ITPR2: variants seen among roughly 807,000 people sequenced by gnomAD.
The protein encoded by ITPR2 is inositol 1,4,5-trisphosphate-gated calcium channel ITPR2.
A neutral mutation model predicts 317.1 loss-of-function variants in ITPR2; 207 were observed. The observed-to-expected ratio is 0.65, with a 90% CI of 0.58 to 0.73. The LOEUF is 0.73. Among genes scored for constraint, ITPR2 ranks in the 30% least tolerant of loss-of-function variants. ITPR2 has a pLI of 0.00. For missense variants in ITPR2, 2,613 were observed against 3,284.0 expected, an observed-to-expected ratio of 0.80 and a Z score of 4.99; for synonymous variants, 1,156 against 1,149.1, an observed-to-expected ratio of 1.01 and a Z score of -0.12.
In ITPR2 at chr12:26,380,366, G is replaced by C. The variant is rs531196100; in HGVS notation, c.7857+7068C>G. On this transcript the variant is annotated intron_variant, in intron 55 of 56. Transcript: ENST00000381340. ...AATAACATAGGGGACAGATCCCATAGTGACAATAAAAATCCAGAGAGGGGC... is the reference window on the plus strand; with the variant it reads ...AATAACATAGGGGACAGATCCCATACTGACAATAAAAATCCAGAGAGGGGC... Among the ~76,000 whole-genome samples the C allele has an allele frequency of 1.2e-4, 19 of 152,302 alleles. No homozygotes were observed. In the South Asian group the frequency reaches 3.9e-3, roughly 32 times the overall value.
chr12:26,707,419 G>A (rs934838251), intron 9 of ITPR2, among the ~76,000 whole-genome samples: 2 of 152,128 alleles, frequency 1.3e-5, no homozygotes, highest in Non-Finnish European at 2.9e-5. Flanking sequence ...AAGAATAAGG[G>A]TACAGGGTAA....
intron 45 of ITPR2, among the ~76,000 whole-genome samples, chr12:26,458,850 C>T (rs1405532497): frequency 6.6e-6 from 1 of 152,178 alleles, no homozygotes; most frequent in Non-Finnish European, 1.5e-5. Flanking sequence ...TGTGCCTCTC[C>T]TTCTTGCTTG....
At chr12:26,443,685 C>T (rs2220406) in intron 45 of ITPR2, 35 bp from the exon 46 acceptor site, 1,343,062 of 1,562,786 alleles carry the variant, frequency 0.86, 579,026 homozygotes, top group South Asian at 0.88. Context: ...TTTAGGTCTT[C>T]TTTTCCCCTT....
intron 55 of ITPR2, among the ~76,000 whole-genome samples, chr12:26,383,682 G>C (rs1158053021): frequency 7.0e-6 from 1 of 141,864 alleles, no homozygotes; most frequent in African/African-American, 2.7e-5. Context: ...ATTTTTAATA[G>C]AGATGGGGTT....
rs188994664 is a variant in ITPR2 at position 26,648,300 on chromosome 12, T to G, written c.2740+5676A>C. Among the ~76,000 whole-genome samples, 30 of 152,322 alleles carry G rather than the reference T, an allele frequency of 2.0e-4. No individual in the cohort carries two copies. The East Asian group carries it at 5.2e-3, about 26-fold the overall frequency. ...CTTTTCCTTCTAGATATGCCTCCTC[T>G]TCTGCTCTCCTGCGTCTGACCTGCC... On this transcript the variant is annotated intron_variant, in intron 21 of 56. Transcript: ENST00000381340.
At chr12:26,374,733 G>A (rs893237817) in intron 55 of ITPR2, among the ~76,000 whole-genome samples, 3 of 152,086 alleles carry the variant, frequency 2.0e-5, no homozygotes, top group South Asian at 2.1e-4. Context: ...AGAGAGCTGC[G>A]GTAACTTACC....
At chr12:26,597,662 T>C (rs1367870840) in intron 30 of ITPR2, among the ~76,000 whole-genome samples, 1 of 152,084 alleles carries the variant, frequency 6.6e-6, no homozygotes, top group East Asian at 1.9e-4. Context: ...GAGAAATAAG[T>C]AGAAAACTAA....
intron 50 of ITPR2, 85 bp downstream of exon 50, chr12:26,418,961 TAAA>T: frequency 1.0e-6 from 1 of 987,958 alleles, no homozygotes; most frequent in Non-Finnish European, 1.4e-6. Flanking sequence ...AGGCTTTGCT[TAAA>T]AAAAAAAATC....
intron 38 of ITPR2, 38 bp from the exon 39 acceptor site, chr12:26,494,378 T>C (rs12371474): frequency 2.3e-6 from 3 of 1,319,038 alleles, no homozygotes; most frequent in Non-Finnish European, 3.1e-6. Context: ...ACCTTAATTG[T>C]AGACATTATT....
intron 10 of ITPR2, among the ~76,000 whole-genome samples, chr12:26,694,829 T>C (rs549571109): frequency 1.8e-4 from 28 of 152,204 alleles, no homozygotes; most frequent in Non-Finnish European, 3.5e-4. Context: ...TAGAGACATT[T>C]TGATATGTTA....
intron 2 of ITPR2, among the ~76,000 whole-genome samples, chr12:26,740,429 T>C (rs1406092258): frequency 4.6e-5 from 7 of 152,050 alleles, no homozygotes; most frequent in Admixed American, 3.9e-4. Context: ...AACTGGAAGA[T>C]AAAGGGAAAT....
intron 50 of ITPR2, among the ~76,000 whole-genome samples, chr12:26,417,953 G>C (rs1940773952): frequency 6.6e-6 from 1 of 152,106 alleles, no homozygotes; most frequent in South Asian, 2.1e-4. Flanking sequence ...TCACTGACTG[G>C]TTAAAAAATG....
intron 9 of ITPR2, among the ~76,000 whole-genome samples, chr12:26,707,492 G>A (rs1047688814): frequency 7.2e-5 from 11 of 152,110 alleles, no homozygotes; most frequent in African/African-American, 2.4e-4. Context: ...CTACTTGAAC[G>A]ACATGACTAA....
At position 26,673,275 on chromosome 12, in the gene ITPR2, C is replaced by T. The variant is rs1212587628; in HGVS notation, c.1410-7224G>A. Among the ~76,000 whole-genome samples the T allele has an allele frequency of 2.6e-4, 40 of 152,230 alleles. No individual in the cohort carries two copies. In the East Asian group the frequency reaches 7.1e-3, roughly 27 times the overall value. ...ATTTTAGACCAATATCCTTGATGAACATTGATGCAAAAATCCTCAATAAAA... is the reference window on the plus strand; with the variant it reads ...ATTTTAGACCAATATCCTTGATGAATATTGATGCAAAAATCCTCAATAAAA... On this transcript the variant is annotated intron_variant, in intron 13 of 56. Coordinates refer to ENST00000381340, the MANE Select transcript of ITPR2 (RefSeq NM_002223.4).
At chr12:26,487,394 C>T (rs1452872536) in intron 39 of ITPR2, 143 bp from the exon 40 acceptor site, 4 of 590,560 alleles carry the variant, frequency 6.8e-6, no homozygotes, top group Admixed American at 6.5e-5. Flanking sequence ...ACAGCCTTTG[C>T]CAGTTTCTTG....
At chr12:26,756,866 G>T (rs868038682) in intron 2 of ITPR2, among the ~76,000 whole-genome samples, 1 of 152,192 alleles carries the variant, frequency 6.6e-6, no homozygotes, top group Admixed American at 6.5e-5. Flanking sequence ...CTATTGGGCT[G>T]CATACCCAGA....
chr12:26,747,956 C>T (rs923916747), intron 2 of ITPR2, among the ~76,000 whole-genome samples: 1 of 152,126 alleles, frequency 6.6e-6, no homozygotes, highest in East Asian at 1.9e-4. Context: ...CTCCAGTGTC[C>T]GAATAATTCA....
At chr12:26,341,973 G>A (rs887604676) in intron 55 of ITPR2, among the ~76,000 whole-genome samples, 1 of 152,224 alleles carries the variant, frequency 6.6e-6, no homozygotes, top group African/African-American at 2.4e-5. Context: ...GACAGTGGCT[G>A]GGTAGGGAGA....
In ITPR2 at chr12:26,407,851, T is replaced by C. The variant is rs115476747; in HGVS notation, c.7399+3469A>G. On this transcript the variant is annotated intron_variant, in intron 52 of 56. Coordinates refer to ENST00000381340, the MANE Select transcript of ITPR2 (RefSeq NM_002223.4). ...TATCTCACAGGGTTGTTGTGATAATTAAGTGACATAATGCACACAATGCGC... is the reference window on the plus strand; with the variant it reads ...TATCTCACAGGGTTGTTGTGATAATCAAGTGACATAATGCACACAATGCGC... Among the ~76,000 whole-genome samples the C allele has an allele frequency of 7.8e-3, 1,185 of 152,320 alleles. 8 individuals are homozygous for C. Among genetic ancestry groups the C allele is most frequent in the African/African-American group, 0.023 (964 of 41,568 alleles).
Sources: gnomAD v4.1 joint callset for allele counts (sites outside exome capture counted in the v4.1 genomes callset) on GRCh38, gnomAD v4.1.1 for gene constraint, MANE v1.5 for transcripts, NCBI Gene and HGNC (gene_info 2026-07-23, HGNC 2026-07-21) for gene names.